The following TMEM135 variants were observed in gnomAD, a reference collection of about 807,000 sequenced individuals.
TMEM135 encodes peroxisomal membrane protein 52.
In TMEM135, 30 loss-of-function variants were observed where a neutral mutation model predicts 60.3. That is an observed-to-expected ratio of 0.50 (90% CI 0.37 to 0.68). The LOEUF (loss-of-function observed/expected upper bound fraction) is 0.68, where lower values mean the gene tolerates loss of function less well. Among genes scored for constraint, TMEM135 ranks in the 30% least tolerant of loss-of-function variants. TMEM135 has a pLI of 0.00. For synonymous variants in TMEM135, 190 were observed against 186.7 expected (o/e 1.02, Z -0.14); for missense variants, 468 against 548.8 (o/e 0.85, Z 1.47).
intron 6 of TMEM135, among the ~76,000 whole-genome samples, chr11:87,293,573 A>G (rs1482428249): frequency 6.6e-6 from 1 of 151,966 alleles, no homozygotes; most frequent in Non-Finnish European, 1.5e-5. Context: ...ATGTGTTCTC[A>G]ATGTTCAACT....
At chr11:87,258,834 T>C in intron 6 of TMEM135, 2 of 710,992 alleles carry the variant, frequency 2.8e-6, no homozygotes, top group Non-Finnish European at 5.0e-6. Context: ...ACAGCTCATA[T>C]ACGGCAGTAA....
At chr11:87,146,425 A>G (rs921000702) in intron 4 of TMEM135, among the ~76,000 whole-genome samples, 2 of 152,184 alleles carry the variant, frequency 1.3e-5, no homozygotes, top group Non-Finnish European at 2.9e-5. Flanking sequence ...GTGCATCACC[A>G]TGCCAGGCTA....
intron 1 of TMEM135, among the ~76,000 whole-genome samples, chr11:87,054,062 C>T (rs1949868658): frequency 6.6e-6 from 1 of 152,180 alleles, no homozygotes; most frequent in Non-Finnish European, 1.5e-5. Flanking sequence ...CTGTCTTCCT[C>T]ATAATTATAC....
chr11:87,176,297 C>G (rs1939366099), intron 5 of TMEM135, among the ~76,000 whole-genome samples: 1 of 152,118 alleles, frequency 6.6e-6, no homozygotes, highest in African/African-American at 2.4e-5. Flanking sequence ...CATGTGATGT[C>G]TTCACATGCC....
chr11:87,131,693 C>G (rs1294890870), intron 4 of TMEM135, among the ~76,000 whole-genome samples: 1 of 152,242 alleles, frequency 6.6e-6, no homozygotes, highest in African/African-American at 2.4e-5. Flanking sequence ...AGTGACTTTT[C>G]TATGCCTGAA....
chr11:87,272,886 G>C (rs144133544), intron 6 of TMEM135, among the ~76,000 whole-genome samples: 37 of 152,124 alleles, frequency 2.4e-4, no homozygotes, highest in African/African-American at 8.7e-4. Context: ...TAGAGCTCTC[G>C]GAAAGTTCTT....
chr11:87,258,766 A>AC (rs1370768562), intron 6 of TMEM135: 2 of 475,736 alleles, frequency 4.2e-6, no homozygotes, highest in Non-Finnish European at 7.8e-6. Flanking sequence ...AAAGTTAAAA[A>AC]AAAATCCAAA....
At chr11:87,193,968 T>C (rs777037563) in intron 5 of TMEM135, among the ~76,000 whole-genome samples, 2 of 152,026 alleles carry the variant, frequency 1.3e-5, no homozygotes, top group Non-Finnish European at 2.9e-5. Flanking sequence ...CTTGTTATCT[T>C]TGCTTTTTTC....
At chr11:87,279,660 A>G (rs1942026101) in intron 6 of TMEM135, among the ~76,000 whole-genome samples, 1 of 152,216 alleles carries the variant, frequency 6.6e-6, no homozygotes, top group African/African-American at 2.4e-5. Context: ...TAAATGAATA[A>G]TATTTGCTTC....
At chr11:87,246,956 T>C (rs374166788) in intron 6 of TMEM135, among the ~76,000 whole-genome samples, 4 of 142,344 alleles carry the variant, frequency 2.8e-5, no homozygotes, top group African/African-American at 7.9e-5. Flanking sequence ...AGTTTTTCTG[T>C]TCTGTTTTTT....
intron 6 of TMEM135, among the ~76,000 whole-genome samples, chr11:87,281,576 A>C: frequency 6.6e-6 from 1 of 152,238 alleles, no homozygotes; most frequent in Non-Finnish European, 1.5e-5. Flanking sequence ...TCTTAAATAT[A>C]AACAAATACA....
chr11:87,159,617 A>ACACACACACACACACACCCCC (rs140303858), intron 5 of TMEM135, among the ~76,000 whole-genome samples: 3 of 149,344 alleles, frequency 2.0e-5, no homozygotes, highest in African/African-American at 5.0e-5. Context: ...ACACACACAC[A>ACACACACACACACACACCCCC]CCATAGATTT....
At chr11:87,109,828 C>G (rs1027400136) in intron 4 of TMEM135, among the ~76,000 whole-genome samples, 2 of 150,036 alleles carry the variant, frequency 1.3e-5, no homozygotes, top group Non-Finnish European at 3.0e-5. Context: ...AGCACCAACT[C>G]TTTTTTTTTT....
At chr11:87,127,695 CAGTGT>C (rs1307768075) in intron 4 of TMEM135, among the ~76,000 whole-genome samples, 1 of 152,194 alleles carries the variant, frequency 6.6e-6, no homozygotes, top group Non-Finnish European at 1.5e-5. Context: ...TCCTACCTAC[CAGTGT>C]TAGGGCTAGG....
chr11:87,278,347 C>T lies in TMEM135; in HGVS notation c.510-17435C>T, dbSNP rs143663870. ...CTCTAAAATATATAATTTTTTACCT[C>T]TAGTTCTGTTACTGATTCAGGCAAA... On this transcript the variant is annotated intron_variant, in intron 6 of 14. Coordinates refer to ENST00000305494, the MANE Select transcript of TMEM135 (RefSeq NM_022918.4). Among the ~76,000 whole-genome samples the T allele has an allele frequency of 5.4e-3, 819 of 150,876 alleles. 6 individuals are homozygous for T. Among genetic ancestry groups the T allele is most frequent in the Middle Eastern group, 0.035 (10 of 286 alleles).
At chr11:87,073,573 G>A (rs753847790) in intron 3 of TMEM135, among the ~76,000 whole-genome samples, 4 of 152,176 alleles carry the variant, frequency 2.6e-5, no homozygotes, top group Non-Finnish European at 4.4e-5. Flanking sequence ...TTGGAGCTGT[G>A]CTATCTGTCT....
intron 6 of TMEM135, among the ~76,000 whole-genome samples, chr11:87,249,722 A>G (rs117205671): frequency 0.037 from 5,562 of 152,116 alleles, 137 homozygotes; most frequent in Non-Finnish European, 0.05. Context: ...GTTTGCTAGT[A>G]TTTTGTTGAG....
At chr11:87,285,279 AC>A (rs1942143038) in intron 6 of TMEM135, among the ~76,000 whole-genome samples, 1 of 152,236 alleles carries the variant, frequency 6.6e-6, no homozygotes, top group Admixed American at 6.5e-5. Context: ...GTTTTTAAAA[AC>A]AGAATAAGAA....
chr11:87,284,972 A>G (rs1480388994), intron 6 of TMEM135, among the ~76,000 whole-genome samples: 2 of 152,228 alleles, frequency 1.3e-5, no homozygotes, highest in African/African-American at 2.4e-5. Context: ...CATGTAATCT[A>G]TTAACCACAC....
Sources: gnomAD v4.1 joint callset for allele counts (sites outside exome capture counted in the v4.1 genomes callset) on GRCh38, gnomAD v4.1.1 for gene constraint, MANE v1.5 for transcripts, NCBI Gene and HGNC (gene_info 2026-07-23, HGNC 2026-07-21) for gene names.